Variants in DPP6 observed in about 807,000 individuals in gnomAD.
DPP6 encodes the protein A-type potassium channel modulatory protein DPP6.
In DPP6, 69 loss-of-function variants were observed where a neutral mutation model predicts 122.6. That is an observed-to-expected ratio of 0.56 (90% CI 0.46 to 0.69). The LOEUF (loss-of-function observed/expected upper bound fraction) is 0.69, where lower values mean the gene tolerates loss of function less well. DPP6 is among the 30% of genes least tolerant of loss of function. The probability of loss-of-function intolerance (pLI) is 0.00; values close to 1 mark genes in which losing one functional copy is unlikely to be tolerated. For missense variants in DPP6, 928 were observed against 1,116.9 expected, an observed-to-expected ratio of 0.83 and a Z score of 2.41; for synonymous variants, 418 against 433.1, an observed-to-expected ratio of 0.97 and a Z score of 0.43.
intron 17 of DPP6, among the ~76,000 whole-genome samples, chr7:154,867,721 G>A (rs1381908786): frequency 6.6e-6 from 1 of 152,222 alleles, no homozygotes; most frequent in Non-Finnish European, 1.5e-5. Flanking sequence ...TGACGCCACG[G>A]AGAACAAAAA....
intron 4 of DPP6, among the ~76,000 whole-genome samples, chr7:154,554,388 GT>G (rs1157611186): frequency 1.3e-5 from 2 of 151,922 alleles, no homozygotes; most frequent in Non-Finnish European, 2.9e-5. Context: ...TGAGGAGGTT[GT>G]ATTCAAAAAA....
chr7:154,868,118 A>C (rs1430362978), intron 18 of DPP6, 25 bp downstream of exon 18: 1 of 1,558,892 alleles, frequency 6.4e-7, no homozygotes, highest in Non-Finnish European at 8.7e-7. Flanking sequence ...TTTCCCCTCT[A>C]AAAGAAAAAG....
chr7:154,291,941 T>C (rs1352491468), intron 1 of DPP6, among the ~76,000 whole-genome samples: 1 of 152,026 alleles, frequency 6.6e-6, no homozygotes, highest in Non-Finnish European at 1.5e-5. Context: ...TTTTCAGAGG[T>C]ACAGCAGGAA....
At chr7:153,845,823 T>C in the DPP6 span, among the ~76,000 whole-genome samples, 3 of 152,184 alleles carry the variant, frequency 2.0e-5, no homozygotes, top group African/African-American at 2.4e-5. Flanking sequence ...ACCATGACTT[T>C]AGACTATTTT....
intron 7 of DPP6, among the ~76,000 whole-genome samples, chr7:154,701,805 A>T (rs1406919884): frequency 6.6e-6 from 1 of 152,232 alleles, no homozygotes; most frequent in Non-Finnish European, 1.5e-5. Context: ...TCTCCTCCAG[A>T]AACAAGCATG....
intron 4 of DPP6, among the ~76,000 whole-genome samples, chr7:154,541,307 T>C (rs1828707307): frequency 6.6e-6 from 1 of 152,116 alleles, no homozygotes; most frequent in Non-Finnish European, 1.5e-5. Flanking sequence ...ATTGTTTTTG[T>C]TTTTGTTTGT....
At chr7:153,853,231 T>C in the DPP6 span, among the ~76,000 whole-genome samples, 1 of 152,234 alleles carries the variant, frequency 6.6e-6, no homozygotes, top group Non-Finnish European at 1.5e-5. Context: ...CTTGCTCCCA[T>C]GTCTATAGCT....
chr7:154,328,659 C>A (rs964919627), intron 1 of DPP6, among the ~76,000 whole-genome samples: 1 of 152,178 alleles, frequency 6.6e-6, no homozygotes, highest in Non-Finnish European at 1.5e-5. Flanking sequence ...TCATTAAATT[C>A]ATTCTGAAAT....
rs1253980704 is a variant in DPP6, at chr7:154,056,510, C to A, written c.243+3447C>A. 5.3e-5 allele frequency among the ~76,000 whole-genome samples: 8 copies of A among 152,036 alleles called. No homozygotes were observed. In the East Asian group the frequency reaches 1.4e-3, roughly 26 times the overall value. ...TTAGTTTTTTAAAGGGCTTTGGAGG[C>A]CTTCTGTACCATTAGAGCAGTAGTT... On this transcript the variant is annotated intron_variant, in intron 1 of 25. Coordinates refer to ENST00000377770, the MANE Select transcript of DPP6 (RefSeq NM_130797.4).
At chr7:154,545,301 G>A (rs2130310713) in intron 4 of DPP6, among the ~76,000 whole-genome samples, 1 of 151,756 alleles carries the variant, frequency 6.6e-6, no homozygotes, top group East Asian at 1.9e-4. Context: ...CCTAAAAAAT[G>A]AACCACCACA....
chr7:154,770,097 G>A (rs769896118), intron 9 of DPP6, among the ~76,000 whole-genome samples: 4 of 152,176 alleles, frequency 2.6e-5, no homozygotes, highest in Admixed American at 6.5e-5. Context: ...GGAGGGCAGA[G>A]CCTTCATGAT....
At chr7:154,533,770 G>C (rs890470584) in intron 3 of DPP6, among the ~76,000 whole-genome samples, 3 of 152,148 alleles carry the variant, frequency 2.0e-5, no homozygotes, top group Non-Finnish European at 4.4e-5. Flanking sequence ...GGCTGAGGCA[G>C]AAGAATTGCT....
the DPP6 span, among the ~76,000 whole-genome samples, chr7:153,824,335 C>G: frequency 8.0e-5 from 11 of 136,696 alleles, no homozygotes; most frequent in Admixed American, 8.3e-4. Flanking sequence ...TGCTGTGAGC[C>G]AAGATCACAC....
At chr7:154,192,282 A>C (rs1041995090) in intron 1 of DPP6, among the ~76,000 whole-genome samples, 1 of 152,210 alleles carries the variant, frequency 6.6e-6, no homozygotes, top group African/African-American at 2.4e-5. Flanking sequence ...TTCCTCATGA[A>C]AATACATATT....
chr7:154,659,021 G>C (rs1341792651), intron 6 of DPP6, among the ~76,000 whole-genome samples: 1 of 152,212 alleles, frequency 6.6e-6, no homozygotes, highest in Non-Finnish European at 1.5e-5. Context: ...TGACCACCAA[G>C]TGGCTCATCC....
At chr7:154,856,488 G>A (rs919833091) in intron 17 of DPP6, among the ~76,000 whole-genome samples, 1 of 152,186 alleles carries the variant, frequency 6.6e-6, no homozygotes, top group African/African-American at 2.4e-5. Flanking sequence ...TAAAAATAAG[G>A]TAATCTATAG....
chr7:154,023,318 G>GCACGCACACGCACGCA (rs373378162), intron 1 of DPP6, among the ~76,000 whole-genome samples: 1 of 129,528 alleles, frequency 7.7e-6, no homozygotes, highest in African/African-American at 3.2e-5. Flanking sequence ...TTTCTTGTCT[G>GCACGCACACGCACGCA]CACACACACA....
chr7:154,400,732 C>T (rs1815500837), intron 1 of DPP6, among the ~76,000 whole-genome samples: 1 of 152,126 alleles, frequency 6.6e-6, no homozygotes, highest in African/African-American at 2.4e-5. Flanking sequence ...TGTTTTGAAA[C>T]AAAATTTTTC....
intron 17 of DPP6, among the ~76,000 whole-genome samples, chr7:154,861,408 C>CTT (rs1803386284): frequency 1.3e-5 from 2 of 152,128 alleles, no homozygotes; most frequent in South Asian, 4.1e-4. Context: ...CAATTTGATA[C>CTT]TTACCACTGC....
Sources: gnomAD v4.1 joint callset for allele counts (sites outside exome capture counted in the v4.1 genomes callset) on GRCh38, gnomAD v4.1.1 for gene constraint, MANE v1.5 for transcripts, NCBI Gene and HGNC (gene_info 2026-07-23, HGNC 2026-07-21) for gene names.